The following CORIN variants were observed in gnomAD, a reference collection of about 807,000 sequenced individuals.
The protein encoded by CORIN is corin, serine peptidase, also known as atrial natriuretic peptide-converting enzyme.
CORIN carries 117 observed loss-of-function variants against 125.3 expected under a neutral mutation model. That is an observed-to-expected ratio of 0.93 (90% confidence interval 0.80 to 1.09). CORIN has a LOEUF of 1.09. Ranked by LOEUF, CORIN falls within the 50% of genes least tolerant of loss-of-function variation. The pLI is 0.00. For synonymous variants in CORIN, 450 were observed against 466.4 expected, an observed-to-expected ratio of 0.96 and a Z score of 0.45; for missense variants, 1,253 against 1,306.7, an observed-to-expected ratio of 0.96 and a Z score of 0.63.
At chr4:47,779,899 T>C (rs758835597) in intron 3 of CORIN, among the ~76,000 whole-genome samples, 1 of 152,236 alleles carries the variant, frequency 6.6e-6, no homozygotes, top group Non-Finnish European at 1.5e-5. Context: ...GGTCCATGTC[T>C]AGTTATCAAT....
chr4:47,687,961 G>C (rs564276426), intron 6 of CORIN, among the ~76,000 whole-genome samples: 24 of 152,112 alleles, frequency 1.6e-4, no homozygotes, highest in Non-Finnish European at 2.9e-4. Context: ...GTTGTTGGGG[G>C]CTGCCCTGTG....
At chr4:47,635,380 A>G (rs1210136409) in intron 16 of CORIN, among the ~76,000 whole-genome samples, 1 of 152,254 alleles carries the variant, frequency 6.6e-6, no homozygotes, top group Admixed American at 6.5e-5. Context: ...ATAGAGTTAC[A>G]TGCTGAGACT....
chr4:47,806,298 G>C (rs1731792347), intron 2 of CORIN, among the ~76,000 whole-genome samples: 1 of 152,106 alleles, frequency 6.6e-6, no homozygotes, highest in Non-Finnish European at 1.5e-5. Context: ...GAAAATGTAA[G>C]ATGCTGTTTA....
chr4:47,775,383 G>A (rs527469799), intron 3 of CORIN, among the ~76,000 whole-genome samples: 12 of 151,618 alleles, frequency 7.9e-5, no homozygotes, highest in Non-Finnish European at 1.3e-4. Context: ...CCCACCCCAC[G>A]ACGGGCCCCC....
chr4:47,793,671 T>C (rs1731172410), intron 2 of CORIN, among the ~76,000 whole-genome samples: 1 of 152,202 alleles, frequency 6.6e-6, no homozygotes, highest in African/African-American at 2.4e-5. Context: ...AGGTTCTTCA[T>C]TTCAAAGTCT....
At chr4:47,605,422 GTTC>G (rs1350996853) in intron 19 of CORIN, among the ~76,000 whole-genome samples, 7 of 152,074 alleles carry the variant, frequency 4.6e-5, no homozygotes, top group Non-Finnish European at 1.0e-4. Flanking sequence ...GTCAAGGTCT[GTTC>G]TTCATCACTC....
intron 6 of CORIN, among the ~76,000 whole-genome samples, chr4:47,688,131 C>T (rs540558622): frequency 2.0e-5 from 3 of 152,306 alleles, no homozygotes; most frequent in Non-Finnish European, 1.5e-5. Context: ...CAAACATCAC[C>T]TGAGTGCAAG....
At chr4:47,615,866 T>C (rs1320807528) in intron 19 of CORIN, among the ~76,000 whole-genome samples, 3 of 152,182 alleles carry the variant, frequency 2.0e-5, no homozygotes, top group Non-Finnish European at 4.4e-5. Context: ...AGTAGGATTA[T>C]AGCATTAGGA....
chr4:47,594,851 A>T lies in CORIN; in HGVS notation c.*870T>A, dbSNP rs574861028. ...TGTTGCAGTCTCAATCAGCCAACTC[A>T]TATATCCTGAACAAACCCAGCTATG... On this transcript the variant is annotated 3_prime_UTR_variant, in exon 22 of 22. Transcript: ENST00000273857. The T allele has an allele frequency of 6.6e-6, 1 of 152,336 alleles. No homozygotes were observed. The highest frequency in any genetic ancestry group is 2.4e-5 in the African/African-American group (1 of 41,580). The allele number at this position is 152,336 out of a possible 1,614,324, so 9.4% of individuals were successfully genotyped here. A position where few individuals can be genotyped will look rare whatever the true frequency, so the allele number is the denominator to read the frequency against.
intron 5 of CORIN, among the ~76,000 whole-genome samples, chr4:47,694,190 C>T (rs1389859961): frequency 6.6e-6 from 1 of 152,112 alleles, no homozygotes; most frequent in Non-Finnish European, 1.5e-5. Flanking sequence ...GTTCAAGCTA[C>T]TTTAGATGAG....
intron 14 of CORIN, 90 bp from the exon 15 acceptor site, chr4:47,643,346 G>A: frequency 2.5e-6 from 3 of 1,217,888 alleles, no homozygotes; most frequent in Non-Finnish European, 3.4e-6. Flanking sequence ...GCCAGCAGGA[G>A]CATGGAAAGA....
At position 47,641,860 on chromosome 4, in the gene CORIN, C is replaced by T. The variant is rs534281692; in HGVS notation, c.2198+60G>A. On this transcript the variant is annotated intron_variant, in intron 16 of 21. Coordinates refer to ENST00000273857, the MANE Select transcript of CORIN (RefSeq NM_006587.4). ...TCTGTGCATCCTAAGGAAGATATTACTGCCAAGTTCCACAAAGCCTTCTGA... is the reference window on the plus strand; with the variant it reads ...TCTGTGCATCCTAAGGAAGATATTATTGCCAAGTTCCACAAAGCCTTCTGA... 5.1e-6 allele frequency: 8 copies of T among 1,579,452 alleles called. No individual in the cohort carries two copies. In the South Asian group the frequency reaches 6.8e-5, roughly 13 times the overall value.
chr4:47,835,758 C>T (rs943367322), intron 1 of CORIN, among the ~76,000 whole-genome samples: 2 of 152,166 alleles, frequency 1.3e-5, no homozygotes, highest in Non-Finnish European at 2.9e-5. Flanking sequence ...ATGCAAGATG[C>T]GGAAGCACTG....
intron 6 of CORIN, among the ~76,000 whole-genome samples, chr4:47,691,864 G>A (rs567384231): frequency 7.2e-5 from 11 of 152,214 alleles, no homozygotes; most frequent in Non-Finnish European, 1.2e-4. Flanking sequence ...ACAAAGGAGC[G>A]TCCTAGCCCA....
At chr4:47,656,743 C>A (rs1000035868) in intron 12 of CORIN, among the ~76,000 whole-genome samples, 1 of 152,188 alleles carries the variant, frequency 6.6e-6, no homozygotes, top group Non-Finnish European at 1.5e-5. Flanking sequence ...TACCCACTCT[C>A]ACCACTGTTA....
intron 5 of CORIN, chr4:47,706,937 C>T (rs1202698089): frequency 6.3e-6 from 10 of 1,599,282 alleles, no homozygotes; most frequent in African/African-American, 2.7e-5. Flanking sequence ...TGGTTCTCGC[C>T]GGGCAGCTTG....
At chr4:47,603,729 C>T (rs1721539157) in intron 19 of CORIN, 61 bp from the exon 20 acceptor site, 1 of 1,544,210 alleles carries the variant, frequency 6.5e-7, no homozygotes, top group Admixed American at 1.9e-5. Flanking sequence ...GTGAAATTCA[C>T]ATGTAATTTT....
intron 4 of CORIN, among the ~76,000 whole-genome samples, chr4:47,762,474 C>G (rs1729514553): frequency 6.6e-6 from 1 of 152,024 alleles, no homozygotes; most frequent in Non-Finnish European, 1.5e-5. Context: ...TTCAAAAATT[C>G]CATGATATAC....
At chr4:47,596,587 A>G (rs1721258531) in intron 21 of CORIN, among the ~76,000 whole-genome samples, 1 of 152,226 alleles carries the variant, frequency 6.6e-6, no homozygotes, top group Non-Finnish European at 1.5e-5. Flanking sequence ...AAATATAGTT[A>G]ATGATAAAAT....
Sources: gnomAD v4.1 joint callset for allele counts (sites outside exome capture counted in the v4.1 genomes callset) on GRCh38, gnomAD v4.1.1 for gene constraint, MANE v1.5 for transcripts, NCBI Gene and HGNC (gene_info 2026-07-23, HGNC 2026-07-21) for gene names.